CNOT10: variants seen among roughly 807,000 people sequenced by gnomAD.
The protein encoded by CNOT10 is CCR4-NOT transcription complex subunit 10, also known as CCR4-NOT transcription complex, subunit 10.
Under a neutral mutation model 94.6 loss-of-function variants are expected in CNOT10, and 30 were observed. The ratio of observed to expected loss-of-function variants is 0.32; its 90% CI spans 0.24 to 0.43. CNOT10 has a LOEUF of 0.43. Among genes scored for constraint, CNOT10 ranks in the 20% least tolerant of loss-of-function variants. The pLI is 1.00. For synonymous variants in CNOT10, 289 were observed against 301.6 expected (o/e 0.96, Z 0.43); for missense variants, 759 against 877.2 (o/e 0.87, Z 1.70).
chr3:32,685,409 G>A lies in CNOT10; in HGVS notation c.-52G>A, dbSNP rs1460782600. The A allele has an allele frequency of 2.6e-6, 4 of 1,548,658 alleles. No individual in the cohort carries two copies. Among genetic ancestry groups the A allele is most frequent in the South Asian group, 1.2e-5 (1 of 83,994 alleles). On this transcript the variant is annotated 5_prime_UTR_variant, in exon 1 of 19. Coordinates refer to ENST00000328834, the MANE Select transcript of CNOT10 (RefSeq NM_015442.3). ...CCAGGACAGCGGCCAGCCCGGCGGC[G>A]GGAGTCAGGGCCACGCCACCTGCAG...
At chr3:32,763,525 C>G (rs1700539579) in intron 15 of CNOT10, among the ~76,000 whole-genome samples, 1 of 151,978 alleles carries the variant, frequency 6.6e-6, no homozygotes, top group Non-Finnish European at 1.5e-5. Context: ...TGGTGCAAGC[C>G]TGTAATCTCA....
At chr3:32,697,105 C>G (rs1177091332) in intron 1 of CNOT10, among the ~76,000 whole-genome samples, 2 of 152,118 alleles carry the variant, frequency 1.3e-5, no homozygotes, top group Admixed American at 1.3e-4. Context: ...CATATGCCAC[C>G]ACGCCCAGCT....
rs372490546 is a variant in CNOT10 at position 32,710,529 on chromosome 3, GTGT to G, written c.430+1713_430+1715del. On this transcript the variant is annotated intron_variant, in intron 4 of 18. Coordinates refer to ENST00000328834, the MANE Select transcript of CNOT10 (RefSeq NM_015442.3). ...TAGTTTACGTTAGGGTTCACTCTTGGTGTTGTATGTTCTATGTGTTTGGACAAA... is the reference window on the plus strand; with the variant it reads ...TAGTTTACGTTAGGGTTCACTCTTGGTGTATGTTCTATGTGTTTGGACAAA... Among the ~76,000 whole-genome samples the G allele has an allele frequency of 2.2e-3, 342 of 152,032 alleles. 1 individual carries two copies. The highest frequency in any genetic ancestry group is 7.6e-3 in the African/African-American group (317 of 41,486).
At chr3:32,712,293 TCTC>T (rs1351448260) in intron 4 of CNOT10, among the ~76,000 whole-genome samples, 1 of 152,114 alleles carries the variant, frequency 6.6e-6, no homozygotes, top group African/African-American at 2.4e-5. Context: ...GGTAAAATAT[TCTC>T]CTCATTTGAC....
intron 13 of CNOT10, among the ~76,000 whole-genome samples, chr3:32,751,214 C>T (rs1253800277): frequency 1.3e-5 from 2 of 152,144 alleles, no homozygotes; most frequent in Non-Finnish European, 2.9e-5. Context: ...AGCCCTCCCA[C>T]CTCTGCGTCC....
chr3:32,752,187 G>T (rs758397558), intron 13 of CNOT10, among the ~76,000 whole-genome samples: 3 of 151,984 alleles, frequency 2.0e-5, no homozygotes, highest in Non-Finnish European at 4.4e-5. Flanking sequence ...AGTCAAGAAG[G>T]CTGAGGCAGG....
intron 1 of CNOT10, among the ~76,000 whole-genome samples, chr3:32,692,824 T>A (rs532101693): frequency 3.6e-4 from 55 of 152,158 alleles, no homozygotes; most frequent in Non-Finnish European, 6.6e-4. Flanking sequence ...GGTAGGCAGA[T>A]CGCTTGAGCC....
intron 12 of CNOT10, 59 bp downstream of exon 12, chr3:32,735,035 C>T (rs1430647200): frequency 1.4e-6 from 2 of 1,394,684 alleles, no homozygotes; most frequent in East Asian, 2.3e-5. Flanking sequence ...TTTAGTAAAC[C>T]CTTTGTTCTT....
chr3:32,750,661 C>T (rs1333256541), intron 13 of CNOT10, among the ~76,000 whole-genome samples: 1 of 151,750 alleles, frequency 6.6e-6, no homozygotes, highest in African/African-American at 2.4e-5. Flanking sequence ...AAGCGATTCT[C>T]CTGTCTCAGC....
intron 13 of CNOT10, among the ~76,000 whole-genome samples, chr3:32,744,748 C>G (rs548762253): frequency 9.2e-5 from 14 of 152,224 alleles, no homozygotes; most frequent in African/African-American, 3.1e-4. Context: ...CTTTGGTATC[C>G]TTGAGGGATT....
Position 32,727,379 on chromosome 3 carries a change from G to A in CNOT10, c.1013-289G>A, listed in dbSNP as rs920747589. ...AAAGTAGTATAAGGTGCAAAGGAGT[G>A]AGAGCGGGTCCCATCACTTATCTTT... On this transcript the variant is annotated intron_variant, in intron 9 of 18. Transcript: ENST00000328834. 5.3e-5 allele frequency among the ~76,000 whole-genome samples: 8 copies of A among 152,266 alleles called. No individual in the cohort carries two copies. In the East Asian group the frequency reaches 1.4e-3, roughly 26 times the overall value.
At chr3:32,755,266 G>T (rs984546671) in intron 13 of CNOT10, among the ~76,000 whole-genome samples, 1 of 148,782 alleles carries the variant, frequency 6.7e-6, no homozygotes, top group African/African-American at 2.5e-5. Flanking sequence ...AGAAAGAAAA[G>T]AAATTACATT....
chr3:32,704,774 T>C, intron 2 of CNOT10, 37 bp from the exon 3 acceptor site: 1 of 1,539,196 alleles, frequency 6.5e-7, no homozygotes, highest in Non-Finnish European at 8.7e-7. Context: ...AGCTGGTATG[T>C]AATTTTGTGT....
intron 11 of CNOT10, 130 bp downstream of exon 11, chr3:32,733,674 T>C (rs1240196253): frequency 3.4e-6 from 2 of 582,346 alleles, no homozygotes; most frequent in East Asian, 3.4e-5. Context: ...ATTTTATTGC[T>C]ATTTCAACAA....
Position 32,704,803 on chromosome 3 carries a change from T to C in CNOT10, c.118-8T>C, listed in dbSNP as rs764662365. The C allele has an allele frequency of 5.0e-5, 78 of 1,563,664 alleles. No individual in the cohort carries two copies. The Admixed American group carries it at 1.7e-3, about 35-fold the overall frequency. Reference sequence around the variant, plus strand: ...TTTGTGTGTGTGTGTGTGGTTTTTTTTTTTTAGTCTGGAAATTATGATGCC... The same window carrying C: ...TTTGTGTGTGTGTGTGTGGTTTTTTCTTTTTAGTCTGGAAATTATGATGCC... On this transcript the variant is annotated splice_region_variant and splice_polypyrimidine_tract_variant and intron_variant, in intron 2 of 18. Transcript: ENST00000328834.
At chr3:32,730,847 C>G (rs1007074364) in intron 10 of CNOT10, 1 of 152,284 alleles carries the variant, frequency 6.6e-6, no homozygotes, top group African/African-American at 2.4e-5. Context: ...GGGAAAAGAT[C>G]TGCTAAACAA....
At chr3:32,741,748 G>A (rs367708479) in intron 13 of CNOT10, among the ~76,000 whole-genome samples, 2 of 141,282 alleles carry the variant, frequency 1.4e-5, no homozygotes, top group Non-Finnish European at 3.1e-5. Flanking sequence ...CAGCCTGGGC[G>A]ACAGAGCGAG....
chr3:32,753,148 T>G lies in CNOT10; in HGVS notation c.1596-6310T>G. The G allele has an allele frequency of 1.5e-5, 9 of 604,828 alleles. 1 individual carries two copies. Among genetic ancestry groups the G allele is most frequent in the South Asian group, 1.4e-4 (9 of 65,694 alleles). The allele number at this position is 604,828 out of a possible 1,614,324, so 37.5% of individuals were successfully genotyped here. On this transcript the variant is annotated intron_variant, in intron 13 of 18. Coordinates refer to ENST00000328834, the MANE Select transcript of CNOT10 (RefSeq NM_015442.3). ...AATTCAATCCAAATAATTCCACCAC[T>G]ATGTTGAGAAAAGGAACATGTGAAT...
At chr3:32,719,581 C>T (rs890998314) in intron 7 of CNOT10, among the ~76,000 whole-genome samples, 3 of 152,182 alleles carry the variant, frequency 2.0e-5, no homozygotes, top group African/African-American at 7.2e-5. Context: ...CCATTCAAAA[C>T]GTGATCTTTG....
Sources: gnomAD v4.1 joint callset for allele counts (sites outside exome capture counted in the v4.1 genomes callset) on GRCh38, gnomAD v4.1.1 for gene constraint, MANE v1.5 for transcripts, NCBI Gene and HGNC (gene_info 2026-07-23, HGNC 2026-07-21) for gene names.